SV2C: variants seen among roughly 807,000 people sequenced by gnomAD.
SV2C encodes solute carrier family 22 member B3.
A neutral mutation model predicts 79.7 loss-of-function variants in SV2C; 49 were observed. The observed-to-expected ratio is 0.61, with a 90% CI of 0.49 to 0.78. The LOEUF (loss-of-function observed/expected upper bound fraction) is 0.78. Ranked by LOEUF, SV2C falls within the 30% of genes least tolerant of loss-of-function variation. The pLI is 0.00. For missense variants in SV2C, 833 were observed against 912.9 expected, an observed-to-expected ratio of 0.91 and a Z score of 1.13; for synonymous variants, 334 against 333.2, an observed-to-expected ratio of 1.00 and a Z score of -0.03.
intron 2 of SV2C, among the ~76,000 whole-genome samples, chr5:76,179,714 C>T (rs1444445369): frequency 6.6e-6 from 1 of 152,154 alleles, no homozygotes; most frequent in Admixed American, 6.5e-5. Flanking sequence ...CTCGACTTTG[C>T]CATCAGCAAT....
chr5:75,990,163 G>C, the SV2C span, among the ~76,000 whole-genome samples: 2 of 151,900 alleles, frequency 1.3e-5, no homozygotes, highest in African/African-American at 4.8e-5. Flanking sequence ...GATCTCATTT[G>C]TCAATTTTTG....
At chr5:76,210,788 C>T (rs1179256668) in intron 4 of SV2C, among the ~76,000 whole-genome samples, 1 of 152,136 alleles carries the variant, frequency 6.6e-6, no homozygotes, top group African/African-American at 2.4e-5. Context: ...ACAGTTGTCT[C>T]GTTAGAATAA....
chr5:76,349,653 T>A (rs1749610903), intron 12 of SV2C, among the ~76,000 whole-genome samples: 1 of 151,720 alleles, frequency 6.6e-6, no homozygotes, highest in South Asian at 2.1e-4. Flanking sequence ...TGGAAAGAGA[T>A]GGATTTTTAG....
chr5:76,266,941 C>T (rs1178339644), intron 4 of SV2C, among the ~76,000 whole-genome samples: 1 of 152,198 alleles, frequency 6.6e-6, no homozygotes, highest in Non-Finnish European at 1.5e-5. Flanking sequence ...TCAGAGCCTG[C>T]ACTGTCTACC....
chr5:76,171,620 C>T (rs1321358480), intron 2 of SV2C, among the ~76,000 whole-genome samples: 3 of 142,392 alleles, frequency 2.1e-5, no homozygotes, highest in Non-Finnish European at 4.7e-5. Context: ...GGGGGGGGGT[C>T]AGCCCCCCGC....
intron 1 of SV2C, among the ~76,000 whole-genome samples, chr5:76,114,181 G>C (rs1748186892): frequency 6.6e-6 from 1 of 152,154 alleles, no homozygotes; most frequent in Non-Finnish European, 1.5e-5. Flanking sequence ...TGTTCAGTAA[G>C]TCCCTGATGC....
intron 4 of SV2C, among the ~76,000 whole-genome samples, chr5:76,214,653 A>G (rs771812781): frequency 5.9e-5 from 9 of 152,218 alleles, no homozygotes; most frequent in Admixed American, 2.6e-4. Flanking sequence ...CTTTCAATCC[A>G]TGAATACAAT....
chr5:76,227,230 C>T (rs1455556142), intron 4 of SV2C, among the ~76,000 whole-genome samples: 4 of 152,152 alleles, frequency 2.6e-5, no homozygotes, highest in Admixed American at 1.3e-4. Context: ...AGGCAGAAGA[C>T]CCCATAGTGA....
intron 2 of SV2C, among the ~76,000 whole-genome samples, chr5:76,138,172 T>C (rs1317105899): frequency 6.6e-6 from 1 of 152,234 alleles, no homozygotes; most frequent in Non-Finnish European, 1.5e-5. Flanking sequence ...AACCCTGTCA[T>C]TTTAAAGATG....
chr5:75,899,975 G>T, the SV2C span, among the ~76,000 whole-genome samples: 10 of 152,000 alleles, frequency 6.6e-5, no homozygotes, highest in Non-Finnish European at 1.0e-4. Context: ...CATGTGAGGC[G>T]GGTTTCCTGA....
intron 3 of SV2C, among the ~76,000 whole-genome samples, chr5:76,200,273 A>T (rs6859341): frequency 2.0e-5 from 3 of 152,066 alleles, no homozygotes; most frequent in Non-Finnish European, 4.4e-5. Flanking sequence ...CCACATTGGT[A>T]CAGAATCCCC....
chr5:76,161,743 T>C (rs1742903670), intron 2 of SV2C, among the ~76,000 whole-genome samples: 1 of 152,218 alleles, frequency 6.6e-6, no homozygotes, highest in Non-Finnish European at 1.5e-5. Context: ...ACCCTTTAAA[T>C]GGATGAATTA....
rs764673254 is a variant in SV2C, at chr5:76,298,908, C to T, written c.1617C>T (p.Asp539=). The stretch of plus-strand genomic sequence containing the variant: ...ACTTCAAGAACTGCACATTTATTGA[C>T]ACTGTTTTTGACAACACAGGTAGGT... ...NTYFKNCTFI[D]TVFDNTDFEP... Residue 539 remains aspartate (D), a synonymous_variant, in exon 10 of 13, where the codon GAC becomes GAT. Coordinates refer to ENST00000502798, the MANE Select transcript of SV2C (RefSeq NM_014979.4). 3.1e-6 allele frequency: 5 copies of T among 1,613,820 alleles called. No homozygotes were observed. The African/African-American group carries it at 5.3e-5, about 17-fold the overall frequency.
intron 2 of SV2C, among the ~76,000 whole-genome samples, chr5:76,150,335 G>T (rs181677881): frequency 6.6e-6 from 1 of 151,822 alleles, no homozygotes; most frequent in Non-Finnish European, 1.5e-5. Context: ...GTGCCACCAC[G>T]CCCAGCTAAT....
chr5:76,065,583 C>T, the SV2C span, among the ~76,000 whole-genome samples: 1 of 152,108 alleles, frequency 6.6e-6, no homozygotes, highest in Non-Finnish European at 1.5e-5. Flanking sequence ...AAGAAATAAT[C>T]TTTAACATTT....
At chr5:76,289,976 C>T (rs1269361779) in intron 6 of SV2C, among the ~76,000 whole-genome samples, 1 of 152,052 alleles carries the variant, frequency 6.6e-6, no homozygotes, top group Non-Finnish European at 1.5e-5. Context: ...ATGTTTGCAT[C>T]CCGCATGGGT....
chr5:75,987,991 C>A, the SV2C span, among the ~76,000 whole-genome samples: 2 of 151,996 alleles, frequency 1.3e-5, no homozygotes, highest in Non-Finnish European at 2.9e-5. Context: ...AAAACACCTA[C>A]CTTTTGAAAA....
chr5:75,931,119 C>A, the SV2C span, among the ~76,000 whole-genome samples: 1 of 152,042 alleles, frequency 6.6e-6, no homozygotes, highest in Non-Finnish European at 1.5e-5. Flanking sequence ...GGTGACAGAC[C>A]AAGACTCGGT....
chr5:76,039,352 T>A, the SV2C span, among the ~76,000 whole-genome samples: 2 of 152,188 alleles, frequency 1.3e-5, no homozygotes, highest in Non-Finnish European at 2.9e-5. Flanking sequence ...CTAGGGATCA[T>A]CTCATGTCCA....
Sources: gnomAD v4.1 joint callset for allele counts (sites outside exome capture counted in the v4.1 genomes callset) on GRCh38, gnomAD v4.1.1 for gene constraint, MANE v1.5 for transcripts, NCBI Gene and HGNC (gene_info 2026-07-23, HGNC 2026-07-21) for gene names.